The following SLIT3 variants were observed in gnomAD, a reference collection of about 807,000 sequenced individuals.
The protein encoded by SLIT3 is slit homolog 3 protein.
A neutral mutation model predicts 184.0 loss-of-function variants in SLIT3; 68 were observed. The observed-to-expected ratio is 0.37, with a 90% confidence interval of 0.30 to 0.45. The LOEUF (loss-of-function observed/expected upper bound fraction) is 0.45. Among genes scored for constraint, SLIT3 ranks in the 20% least tolerant of loss-of-function variants. The probability of loss-of-function intolerance (pLI) is 1.00; values close to 1 mark genes in which losing one functional copy is unlikely to be tolerated. For synonymous variants in SLIT3, 831 were observed against 828.6 expected (o/e 1.00, Z -0.05); for missense variants, 1,707 against 2,026.0 (o/e 0.84, Z 3.02).
intron 1 of SLIT3, among the ~76,000 whole-genome samples, chr5:169,280,053 C>G (rs946358244): frequency 7.9e-5 from 12 of 152,240 alleles, no homozygotes; most frequent in African/African-American, 2.9e-4. Flanking sequence ...GATTATACAT[C>G]TAGCAAGGAT....
chr5:168,711,160 G>A, intron 24 of SLIT3, 102 bp from the exon 25 acceptor site: 1 of 1,112,446 alleles, frequency 9.0e-7, no homozygotes, highest in Non-Finnish European at 1.2e-6. Flanking sequence ...TGGCTAGACT[G>A]GAGGTATCCA....
intron 19 of SLIT3, 80 bp from the exon 20 acceptor site, chr5:168,748,514 C>T (rs1754583342): frequency 1.5e-6 from 2 of 1,374,990 alleles, no homozygotes; most frequent in Non-Finnish European, 1.9e-6. Context: ...GCTGCGTGTT[C>T]TCCACAAAGA....
At chr5:168,886,425 C>T (rs7707848) in intron 4 of SLIT3, among the ~76,000 whole-genome samples, 107 of 152,238 alleles carry the variant, frequency 7.0e-4, no homozygotes, top group African/African-American at 2.3e-3. Flanking sequence ...ATGGAGCTAT[C>T]ATTAAGTACT....
chr5:168,751,890 AC>A (rs1012308515), intron 18 of SLIT3, among the ~76,000 whole-genome samples: 4 of 152,190 alleles, frequency 2.6e-5, no homozygotes, highest in African/African-American at 9.6e-5. Flanking sequence ...GGTGTGCACC[AC>A]CACCACGCCC....
intron 26 of SLIT3, chr5:168,706,867 C>T (rs1176637398): frequency 1.3e-5 from 2 of 152,340 alleles, no homozygotes; most frequent in African/African-American, 4.8e-5. Context: ...CACAATCCCA[C>T]TGGGGGCAGA....
At chr5:169,089,302 G>C (rs1336057552) in intron 4 of SLIT3, among the ~76,000 whole-genome samples, 1 of 152,092 alleles carries the variant, frequency 6.6e-6, no homozygotes, top group Non-Finnish European at 1.5e-5. Context: ...GAAACTTCTA[G>C]AAACCTCTTC....
intron 4 of SLIT3, among the ~76,000 whole-genome samples, chr5:169,001,555 A>G (rs182806019): frequency 1.2e-4 from 19 of 152,278 alleles, no homozygotes; most frequent in Non-Finnish European, 1.6e-4. Flanking sequence ...AGTGAAATAG[A>G]CTAGAAACAG....
intron 4 of SLIT3, among the ~76,000 whole-genome samples, chr5:168,983,686 A>C (rs79412677): frequency 0.045 from 6,867 of 152,330 alleles, 214 homozygotes; most frequent in Non-Finnish European, 0.067. Context: ...TAAAGCATTT[A>C]GAACAGTGCT....
rs745668251 is a variant in SLIT3, at chr5:168,774,259, G to T, written c.1271C>A (p.Ala424Asp). Residue 424 changes from alanine (A) to aspartate (D), a missense_variant, in exon 13 of 36, where the codon GCC (alanine) becomes GAC (aspartate). Coordinates refer to ENST00000519560, the MANE Select transcript of SLIT3 (RefSeq NM_003062.4). ...KLQTISKGLFAPLQSIQTLHL... is the reference protein window; with the variant it reads ...KLQTISKGLFDPLQSIQTLHL... The stretch of plus-strand genomic sequence containing the variant: ...CAGTGTCTGGATGGACTGCAGAGGG[G>T]CGAAGAGCCCCTTGCTGATGGTCTG... 4 of 1,613,478 alleles carry T rather than the reference G, an allele frequency of 2.5e-6. No individual in the cohort carries two copies. The highest frequency in any genetic ancestry group is 2.5e-6 in the Non-Finnish European group (3 of 1,179,762).
chr5:168,954,960 G>T (rs1016593654), intron 4 of SLIT3, among the ~76,000 whole-genome samples: 5 of 152,190 alleles, frequency 3.3e-5, no homozygotes, highest in Non-Finnish European at 7.3e-5. Context: ...AAGCCTTCCA[G>T]GTTCCGGCCT....
At chr5:169,182,075 C>T (rs1036754491) in intron 4 of SLIT3, among the ~76,000 whole-genome samples, 6 of 152,096 alleles carry the variant, frequency 3.9e-5, no homozygotes, top group African/African-American at 9.7e-5. Context: ...CTTGGCCAAC[C>T]GTGGGGAGAG....
At chr5:168,668,006 T>C (rs952330849) in intron 35 of SLIT3, among the ~76,000 whole-genome samples, 1 of 152,198 alleles carries the variant, frequency 6.6e-6, no homozygotes, top group East Asian at 1.9e-4. Flanking sequence ...AATAACATTT[T>C]AAAAATGAGT....
rs56039430 is a variant in SLIT3, at chr5:168,904,489, C to CAATAATAATAAT, written c.414-21165_414-21154dup. 2.3e-4 allele frequency among the ~76,000 whole-genome samples: 34 copies of CAATAATAATAAT among 147,648 alleles called. No individual in the cohort carries two copies. In the South Asian group the frequency reaches 3.5e-3, roughly 15 times the overall value. On this transcript the variant is annotated intron_variant, in intron 4 of 35. Coordinates refer to ENST00000519560, the MANE Select transcript of SLIT3 (RefSeq NM_003062.4). ...CCAGAAAATCTTACTTTAGAAATAA[C>CAATAATAATAAT]AATAATAATAATAATAATAATAATA...
At chr5:169,089,222 A>G (rs1334761986) in intron 4 of SLIT3, among the ~76,000 whole-genome samples, 1 of 151,910 alleles carries the variant, frequency 6.6e-6, no homozygotes, top group Non-Finnish European at 1.5e-5. Flanking sequence ...TTCATCCTTC[A>G]TGCTTGTCAT....
chr5:169,068,231 G>T (rs938394236), intron 4 of SLIT3, among the ~76,000 whole-genome samples: 1 of 151,938 alleles, frequency 6.6e-6, no homozygotes, highest in Non-Finnish European at 1.5e-5. Flanking sequence ...AAAAAGAGAG[G>T]AAGAGAAAGA....
chr5:168,865,433 A>G (rs1035395311), intron 5 of SLIT3, among the ~76,000 whole-genome samples: 2 of 152,230 alleles, frequency 1.3e-5, no homozygotes, highest in African/African-American at 4.8e-5. Context: ...CTGACAATAC[A>G]ACACAGGGTG....
intron 4 of SLIT3, among the ~76,000 whole-genome samples, chr5:168,958,795 C>G (rs141517970): frequency 6.6e-6 from 1 of 152,192 alleles, no homozygotes; most frequent in African/African-American, 2.4e-5. Context: ...TCATGTGTAC[C>G]GACATTCTTT....
At chr5:169,039,951 G>C (rs113516549) in intron 4 of SLIT3, among the ~76,000 whole-genome samples, 19 of 152,316 alleles carry the variant, frequency 1.2e-4, no homozygotes, top group African/African-American at 4.6e-4. Context: ...ACATTGTTGA[G>C]TCAGAATTTC....
intron 5 of SLIT3, among the ~76,000 whole-genome samples, chr5:168,853,257 T>C (rs942815161): frequency 1.3e-5 from 2 of 152,082 alleles, no homozygotes; most frequent in African/African-American, 4.8e-5. Context: ...AAAATACAAA[T>C]TGCTCCCTTA....
Sources: allele counts gnomAD v4.1 joint callset (sites outside exome capture counted in the v4.1 genomes callset), GRCh38; gene constraint gnomAD v4.1.1; transcripts MANE v1.5; gene names NCBI Gene and HGNC (gene_info 2026-07-23, HGNC 2026-07-21).